The following BBS9 variants were observed in gnomAD, a reference collection of about 807,000 sequenced individuals.
The protein encoded by BBS9 is protein PTHB1.
Under a neutral mutation model 117.7 loss-of-function variants are expected in BBS9, and 89 were observed. The observed-to-expected ratio is 0.76, with a 90% CI of 0.64 to 0.90. The LOEUF is 0.90. BBS9 is among the 40% of genes least tolerant of loss of function. The probability of loss-of-function intolerance (pLI) is 0.00; values close to 1 mark genes in which losing one functional copy is unlikely to be tolerated. For missense variants in BBS9, 982 were observed against 1,042.2 expected (o/e 0.94, Z 0.80); for synonymous variants, 379 against 370.9 (o/e 1.02, Z -0.25).
chr7:33,146,990 A>T (rs1792502192), intron 2 of BBS9, among the ~76,000 whole-genome samples: 1 of 152,054 alleles, frequency 6.6e-6, no homozygotes. Context: ...ATTTTGAAAA[A>T]TTTCCTTTTG....
At chr7:33,162,093 T>A (rs1335543619) in intron 4 of BBS9, among the ~76,000 whole-genome samples, 1 of 152,126 alleles carries the variant, frequency 6.6e-6, no homozygotes, top group Non-Finnish European at 1.5e-5. Context: ...CTGCTGGTAG[T>A]TTTCTTTTTT....
intron 15 of BBS9, among the ~76,000 whole-genome samples, chr7:33,355,078 G>A (rs1436609786): frequency 6.6e-6 from 1 of 152,034 alleles, no homozygotes; most frequent in East Asian, 1.9e-4. Flanking sequence ...AAATACTGCT[G>A]ATGGTAGGCA....
In BBS9 at chr7:33,328,469, G is replaced by A. The variant is rs138507517; in HGVS notation, c.1017-7972G>A. On this transcript the variant is annotated intron_variant, in intron 9 of 22. Coordinates refer to ENST00000242067, the MANE Select transcript of BBS9 (RefSeq NM_198428.3). The stretch of plus-strand genomic sequence containing the variant: ...GATTAAAATATGTTCAAGTGCCCAC[G>A]TCCAGTACTTTTGGACTGAGGAAGA... Among the ~76,000 whole-genome samples the A allele has an allele frequency of 2.0e-4, 30 of 152,300 alleles. No individual in the cohort carries two copies. In the South Asian group the frequency reaches 5.2e-3, roughly 26 times the overall value.
At chr7:33,341,915 A>G (rs1816647656) in intron 11 of BBS9, among the ~76,000 whole-genome samples, 1 of 152,128 alleles carries the variant, frequency 6.6e-6, no homozygotes, top group African/African-American at 2.4e-5. Context: ...GTAGAAACAG[A>G]TGATCACCAA....
At chr7:33,593,783 C>G (rs185514123) in intron 21 of BBS9, among the ~76,000 whole-genome samples, 1 of 152,234 alleles carries the variant, frequency 6.6e-6, no homozygotes, top group East Asian at 1.9e-4. Context: ...CTTTATGAAG[C>G]CCTGTTTACA....
At chr7:33,168,191 A>C (rs1449880130) in intron 4 of BBS9, among the ~76,000 whole-genome samples, 1 of 152,214 alleles carries the variant, frequency 6.6e-6, no homozygotes, top group East Asian at 1.9e-4. Context: ...TAGAGGCTGA[A>C]AGAGACTTAA....
chr7:33,502,921 C>A (rs1845645199), intron 19 of BBS9, among the ~76,000 whole-genome samples: 1 of 152,152 alleles, frequency 6.6e-6, no homozygotes, highest in Non-Finnish European at 1.5e-5. Context: ...GCTGTTAAAA[C>A]CACTAAAATA....
intron 21 of BBS9, among the ~76,000 whole-genome samples, chr7:33,633,884 C>T (rs948282169): frequency 4.6e-5 from 7 of 152,140 alleles, no homozygotes; most frequent in African/African-American, 1.7e-4. Flanking sequence ...CCTATCCAGC[C>T]CTCTTTGCTC....
chr7:33,309,769 C>T (rs557289512), intron 9 of BBS9, among the ~76,000 whole-genome samples: 2 of 152,082 alleles, frequency 1.3e-5, no homozygotes, highest in Non-Finnish European at 2.9e-5. Context: ...AGGATCCGGC[C>T]ATGTGGTATT....
At chr7:33,494,916 C>T (rs1844508329) in intron 19 of BBS9, among the ~76,000 whole-genome samples, 4 of 152,138 alleles carry the variant, frequency 2.6e-5, no homozygotes, top group Admixed American at 2.6e-4. Context: ...CATGTGAAAC[C>T]AGGCAGCTCT....
At position 33,294,169 on chromosome 7, in the gene BBS9, A is replaced by G. The variant is rs538975214; in HGVS notation, c.1016+20213A>G. On this transcript the variant is annotated intron_variant, in intron 9 of 22. Coordinates refer to ENST00000242067, the MANE Select transcript of BBS9 (RefSeq NM_198428.3). ...AACTTTGATCTAGTCAATTAAAACAATAAGACTACTTATAAATATTTTTCC... is the reference window on the plus strand; with the variant it reads ...AACTTTGATCTAGTCAATTAAAACAGTAAGACTACTTATAAATATTTTTCC... 1.9e-4 allele frequency among the ~76,000 whole-genome samples: 29 copies of G among 152,314 alleles called. No homozygotes were observed. In the South Asian group the frequency reaches 4.1e-3, roughly 22 times the overall value.
intron 5 of BBS9, among the ~76,000 whole-genome samples, chr7:33,228,711 A>G (rs568757564): frequency 1.3e-5 from 2 of 152,196 alleles, no homozygotes; most frequent in African/African-American, 2.4e-5. Context: ...AGAAAATCAT[A>G]AGGAAGGGAA....
intron 19 of BBS9, among the ~76,000 whole-genome samples, chr7:33,486,960 T>C (rs1843196614): frequency 6.6e-6 from 1 of 152,266 alleles, no homozygotes; most frequent in Non-Finnish European, 1.5e-5. Flanking sequence ...TGTTGGGTAG[T>C]GTCTTACCCC....
rs144220453 is a variant in BBS9, at chr7:33,601,023, A to T, written c.2522-3842A>T. ...GAGGCACAAAATGATCTGGGGTAAC[A>T]TTGTAGGAAAAGGGGCAGGGGGAGG... On this transcript the variant is annotated intron_variant, in intron 21 of 22. Transcript: ENST00000242067. Among the ~76,000 whole-genome samples, 391 of 152,290 alleles carry T rather than the reference A, an allele frequency of 2.6e-3. 3 individuals are homozygous for T. The highest frequency in any genetic ancestry group is 8.8e-3 in the African/African-American group (366 of 41,568).
intron 19 of BBS9, among the ~76,000 whole-genome samples, chr7:33,421,695 T>G (rs554538107): frequency 5.3e-5 from 8 of 152,228 alleles, no homozygotes; most frequent in Admixed American, 3.9e-4. Flanking sequence ...AAACAAACAG[T>G]AGAGATCTTG....
At chr7:33,516,831 C>G (rs967167369) in intron 20 of BBS9, among the ~76,000 whole-genome samples, 7 of 152,188 alleles carry the variant, frequency 4.6e-5, no homozygotes, top group Non-Finnish European at 8.8e-5. Flanking sequence ...AGGTTTAGAT[C>G]TCACTGATAA....
intron 20 of BBS9, among the ~76,000 whole-genome samples, chr7:33,521,903 C>A (rs1352720111): frequency 9.2e-5 from 11 of 119,336 alleles, no homozygotes; most frequent in African/African-American, 3.4e-4. Context: ...CCCCTCCCCC[C>A]ACCCCACCAC....
intron 19 of BBS9, among the ~76,000 whole-genome samples, chr7:33,432,470 T>A (rs994364933): frequency 6.6e-6 from 1 of 152,154 alleles, no homozygotes; most frequent in African/African-American, 2.4e-5. Flanking sequence ...CATTATAATG[T>A]GATTATATAC....
At chr7:33,337,727 A>T (rs1299523464) in intron 10 of BBS9, among the ~76,000 whole-genome samples, 1 of 152,252 alleles carries the variant, frequency 6.6e-6, no homozygotes, top group Non-Finnish European at 1.5e-5. Flanking sequence ...ATATCGCAGT[A>T]TATAATTTTT....
Sources: gnomAD v4.1 joint callset for allele counts (sites outside exome capture counted in the v4.1 genomes callset) on GRCh38, gnomAD v4.1.1 for gene constraint, MANE v1.5 for transcripts, NCBI Gene and HGNC (gene_info 2026-07-23, HGNC 2026-07-21) for gene names.